The following DBT variants were observed in gnomAD, a reference collection of about 807,000 sequenced individuals.
DBT encodes the protein lipoamide acyltransferase component of branched-chain alpha-keto acid dehydrogenase complex, mitochondrial.
A neutral mutation model predicts 51.3 loss-of-function variants in DBT; 40 were observed. The observed-to-expected ratio is 0.78, with a 90% CI of 0.61 to 1.02. The LOEUF (loss-of-function observed/expected upper bound fraction) is 1.02, where lower values mean the gene tolerates loss of function less well. Ranked by LOEUF, DBT falls within the 50% of genes least tolerant of loss-of-function variation. The pLI, the probability that DBT is intolerant of heterozygous loss-of-function variation, is 0.00. For missense variants in DBT, 510 were observed against 580.2 expected (o/e 0.88, Z 1.24); for synonymous variants, 181 against 190.4 (o/e 0.95, Z 0.41).
At chr1:100,214,592 T>G (rs1057247325) in intron 7 of DBT, among the ~76,000 whole-genome samples, 1 of 152,168 alleles carries the variant, frequency 6.6e-6, no homozygotes, top group Non-Finnish European at 1.5e-5. Context: ...ACGTGTCTAC[T>G]AAAAATACAA....
chr1:100,241,195 T>G (rs185521881), intron 1 of DBT, among the ~76,000 whole-genome samples: 120 of 152,290 alleles, frequency 7.9e-4, no homozygotes, highest in African/African-American at 2.7e-3. Context: ...AATGAAAAAC[T>G]TGTATAGTAT....
At position 100,196,430 on chromosome 1, in the gene DBT, T is replaced by TG. The variant is rs1553228660; in HGVS notation, c.1282-9dup. The TG allele has an allele frequency of 2.0e-6, 1 of 504,518 alleles. No homozygotes were observed. The highest frequency in any genetic ancestry group is 9.1e-5 in the South Asian group (1 of 10,964). The allele number at this position is 504,518 out of a possible 1,614,324, so 31.3% of individuals were successfully genotyped here. A position where few individuals can be genotyped will look rare whatever the true frequency, so the allele number is the denominator to read the frequency against. On this transcript the variant is annotated splice_polypyrimidine_tract_variant and intron_variant, in intron 10 of 10. Transcript: ENST00000370132. ...GTTAAATCGGGGAATGGCCTAGAAA[T>TG]GAAAAAAAAAAAAAAAAAAAAAAAA...
At chr1:100,248,083 CAG>C (rs907259558) in intron 1 of DBT, among the ~76,000 whole-genome samples, 2 of 139,242 alleles carry the variant, frequency 1.4e-5, no homozygotes, top group Non-Finnish European at 3.0e-5. Context: ...GCCTGGGTGA[CAG>C]AGAGAGACTC....
intron 2 of DBT, 108 bp downstream of exon 2, chr1:100,240,651 TAC>T (rs1247058237): frequency 4.4e-5 from 39 of 894,050 alleles, no homozygotes; most frequent in East Asian, 7.3e-5. Context: ...CGGCTAGAAA[TAC>T]AGAGTCAACT....
intron 10 of DBT, among the ~76,000 whole-genome samples, chr1:100,204,453 G>A (rs919841234): frequency 7.9e-5 from 12 of 151,922 alleles, no homozygotes; most frequent in Non-Finnish European, 1.5e-4. Context: ...GAAATACAAG[G>A]GGACACAAAC....
At chr1:100,206,174 G>A in intron 10 of DBT, 56 bp downstream of exon 10, 1 of 1,158,180 alleles carries the variant, frequency 8.6e-7, no homozygotes. Context: ...ACTCTTCATT[G>A]TGTTTAGTCC....
intron 5 of DBT, 21 bp from the exon 6 acceptor site, chr1:100,216,220 A>G: frequency 6.6e-7 from 1 of 1,515,084 alleles, no homozygotes; most frequent in Non-Finnish European, 9.2e-7. Context: ...ATATATTTTA[A>G]TGCCAAAAAT....
intron 10 of DBT, among the ~76,000 whole-genome samples, chr1:100,199,538 C>G (rs1432257308): frequency 6.6e-6 from 1 of 152,196 alleles, no homozygotes; most frequent in Non-Finnish European, 1.5e-5. Flanking sequence ...TTATTACACA[C>G]AGAGGCAGCC....
intron 3 of DBT, among the ~76,000 whole-genome samples, chr1:100,231,487 C>T (rs894733223): frequency 6.6e-6 from 1 of 152,128 alleles, no homozygotes; most frequent in African/African-American, 2.4e-5. Flanking sequence ...AGGAATGGGA[C>T]CAAACCTGAA....
At chr1:100,249,261 G>A (rs1349146425) in intron 1 of DBT, 1 of 237,386 alleles carries the variant, frequency 4.2e-6, no homozygotes, top group African/African-American at 2.2e-5. Flanking sequence ...GATATGTGGT[G>A]CGGACATAGA....
chr1:100,231,110 C>A (rs1380907439), intron 3 of DBT, among the ~76,000 whole-genome samples, 196 bp from the exon 4 acceptor site: 2 of 152,062 alleles, frequency 1.3e-5, no homozygotes, highest in African/African-American at 4.8e-5. Context: ...AAGAAACACT[C>A]AAAAAAATTT....
chr1:100,243,542 G>A (rs941934091), intron 1 of DBT, among the ~76,000 whole-genome samples: 9 of 151,832 alleles, frequency 5.9e-5, no homozygotes, highest in African/African-American at 1.9e-4. Context: ...GGGTGCTCTC[G>A]ACCTCCTCAG....
Position 100,235,444 on chromosome 1 carries a change from A to C in DBT, c.243T>G (p.Val81=). The C allele has an allele frequency of 6.5e-7, 1 of 1,531,850 alleles. No individual in the cohort carries two copies. Among genetic ancestry groups the C allele is most frequent in the Non-Finnish European group, 9.0e-7 (1 of 1,107,582 alleles). 94.9% of individuals were successfully genotyped at this position (1,531,850 alleles called of 1,614,324 possible). ...DIGEGIREVT[V]KEWYVKEGDT... ...TTTTCAGATTCACTTACCATTCTTTAACAGTTACTTCTCTAATCCCTTCTC... is the reference window on the plus strand; with the variant it reads ...TTTTCAGATTCACTTACCATTCTTTCACAGTTACTTCTCTAATCCCTTCTC... Residue 81 remains valine, a synonymous_variant, in exon 3 of 11, where the codon GTT becomes GTG. Coordinates refer to ENST00000370132, the MANE Select transcript of DBT (RefSeq NM_001918.5).
At position 100,249,813 on chromosome 1, in the gene DBT, G is replaced by GC; in HGVS notation, c.7dup (p.Ala3GlyfsTer26). The stretch of plus-strand genomic sequence containing the variant: ...GCTCCAGGTTCTCAGCATACGGACT[G>GC]CAGCCATCTTACCCCGGAAATGACA... On this transcript the variant is annotated frameshift_variant, in exon 1 of 11. Coordinates refer to ENST00000370132, the MANE Select transcript of DBT (RefSeq NM_001918.5). LOFTEE classifies it high-confidence loss of function. 1 of 1,614,146 alleles carries GC rather than the reference G, an allele frequency of 6.2e-7. No individual in the cohort carries two copies.
At chr1:100,214,491 G>A (rs1320982751) in intron 7 of DBT, among the ~76,000 whole-genome samples, 1 of 152,126 alleles carries the variant, frequency 6.6e-6, no homozygotes, top group Non-Finnish European at 1.5e-5. Flanking sequence ...GGTGGCTCAC[G>A]CCTGGAATTC....
chr1:100,219,898 A>G (rs914724500), intron 4 of DBT, among the ~76,000 whole-genome samples: 8 of 152,166 alleles, frequency 5.3e-5, no homozygotes, highest in African/African-American at 1.9e-4. Context: ...TAATCCCAAC[A>G]CTTTGGGAGG....
chr1:100,220,856 C>G (rs529074413), intron 4 of DBT, among the ~76,000 whole-genome samples: 1 of 152,264 alleles, frequency 6.6e-6, no homozygotes, highest in Admixed American at 6.5e-5. Flanking sequence ...TCCTATAGTT[C>G]AAGGCATAAT....
Position 100,216,100 on chromosome 1 carries a change from G to A in DBT, c.655C>T (p.Pro219Ser). 3.7e-6 allele frequency: 6 copies of A among 1,613,554 alleles called. No homozygotes were observed. The highest frequency in any genetic ancestry group is 5.1e-6 in the Non-Finnish European group (6 of 1,179,542). ...GGCATAATTTCAACTTTGGGTGAAG[G>A]AGGCAATATAGCTCCTGTCTGCTTT... ...LEKQTGAILP[P>S]SPKVEIMPPP... is the part of the protein sequence containing the mutation. The change falls in exon 6 of 11, where the codon CCT (proline) becomes TCT (serine). Residue 219 changes from proline (P) to serine (S), a missense_variant. Pro to Ser is a moderately conservative substitution (Grantham distance 74). Transcript: ENST00000370132.
At chr1:100,229,500 T>C (rs957568243) in intron 4 of DBT, among the ~76,000 whole-genome samples, 1 of 152,190 alleles carries the variant, frequency 6.6e-6, no homozygotes, top group Admixed American at 6.5e-5. Flanking sequence ...AGTTTCTTCA[T>C]CTGCTAAACT....
Sources: gnomAD v4.1 joint callset for allele counts (sites outside exome capture counted in the v4.1 genomes callset) on GRCh38, gnomAD v4.1.1 for gene constraint, MANE v1.5 for transcripts, NCBI Gene and HGNC (gene_info 2026-07-23, HGNC 2026-07-21) for gene names.